AP2B1: variants seen among roughly 807,000 people sequenced by gnomAD.
The protein encoded by AP2B1 is AP-2 complex subunit beta.
AP2B1 carries 23 observed loss-of-function variants against 102.0 expected under a neutral mutation model. That is an observed-to-expected ratio of 0.23 (90% CI 0.16 to 0.32). The LOEUF is 0.32. AP2B1 is among the 10% of genes least tolerant of loss of function. The pLI, the probability that AP2B1 is intolerant of heterozygous loss-of-function variation, is 1.00. For synonymous variants in AP2B1, 381 were observed against 421.2 expected, an observed-to-expected ratio of 0.90 and a Z score of 1.17; for missense variants, 541 against 1,157.4, an observed-to-expected ratio of 0.47 and a Z score of 7.73.
chr17:35,680,697 T>TG (rs1567972191), intron 17 of AP2B1, among the ~76,000 whole-genome samples: 1,889 of 36,634 alleles, frequency 0.052, 45 homozygotes, highest in African/African-American at 0.15. Context: ...TTTTTTTTTT[T>TG]TTGTTTTTTT....
chr17:35,647,653 C>T (rs2074972159), intron 12 of AP2B1, among the ~76,000 whole-genome samples: 1 of 152,016 alleles, frequency 6.6e-6, no homozygotes, highest in South Asian at 2.1e-4. Context: ...TCTTTAACCA[C>T]CAATCCATTA....
intron 12 of AP2B1, among the ~76,000 whole-genome samples, chr17:35,649,870 T>C (rs2075041838): frequency 6.6e-6 from 1 of 152,268 alleles, no homozygotes; most frequent in East Asian, 1.9e-4. Flanking sequence ...CAAGTGATCC[T>C]CCTCCCTCAG....
intron 20 of AP2B1, among the ~76,000 whole-genome samples, chr17:35,711,026 G>A (rs1247014479): frequency 6.6e-6 from 1 of 152,090 alleles, no homozygotes; most frequent in Non-Finnish European, 1.5e-5. Context: ...AGTTAACTTT[G>A]TTACTGTAAA....
chr17:35,641,855 A>G (rs550652714), intron 11 of AP2B1, 22 bp from the exon 12 acceptor site: 41 of 1,572,342 alleles, frequency 2.6e-5, no homozygotes, highest in Non-Finnish European at 3.2e-5. Flanking sequence ...CTTTCACACT[A>G]TCACAAATTA....
At chr17:35,635,760 G>A (rs1427874654) in intron 9 of AP2B1, among the ~76,000 whole-genome samples, 1 of 152,072 alleles carries the variant, frequency 6.6e-6, no homozygotes, top group East Asian at 1.9e-4. Context: ...ACAATGGCGC[G>A]ATCTCGGCTC....
At position 35,717,200 on chromosome 17, in the gene AP2B1, G is replaced by C; in HGVS notation, c.2632G>C (p.Val878Leu). The C allele has an allele frequency of 6.2e-7, 1 of 1,613,766 alleles. No homozygotes were observed. The highest frequency in any genetic ancestry group is 8.5e-7 in the Non-Finnish European group (1 of 1,179,804). ...IKECHLNADT[V>L]SSKLQNNNVY... ...TTTTGAATCTGTATTTCTAGACACT[G>C]TTTCCAGCAAGTTGCAAAACAACAA... The change falls in exon 21 of 22, where the codon GTT becomes CTT. Residue 878 changes from valine to leucine, a missense_variant. By Grantham distance (32) the Val-to-Leu change is conservative. Coordinates refer to ENST00000610402, the MANE Select transcript of AP2B1 (RefSeq NM_001030006.2).
chr17:35,639,792 T>C (rs761623527), intron 11 of AP2B1, 32 bp downstream of exon 11: 18 of 1,595,262 alleles, frequency 1.1e-5, no homozygotes, highest in African/African-American at 2.7e-5. Context: ...ATCCTAGTAG[T>C]TTTAGATGTC....
intron 14 of AP2B1, chr17:35,659,993 TA>T: frequency 1.0e-6 from 1 of 985,420 alleles, no homozygotes; most frequent in African/African-American, 1.7e-5. Flanking sequence ...AGTGGACTTT[TA>T]AAATGCTTTT....
chr17:35,659,258 C>G (rs1374623841), intron 14 of AP2B1, among the ~76,000 whole-genome samples: 1 of 152,166 alleles, frequency 6.6e-6, no homozygotes, highest in Non-Finnish European at 1.5e-5. Flanking sequence ...TTATTACATT[C>G]CCTGGTGGGG....
At chr17:35,645,775 G>A (rs1404188215) in intron 12 of AP2B1, among the ~76,000 whole-genome samples, 1 of 152,148 alleles carries the variant, frequency 6.6e-6, no homozygotes, top group South Asian at 2.1e-4. Context: ...CTTGAACCCG[G>A]GAGGCAGAGG....
At position 35,720,163 on chromosome 17, in the gene AP2B1, G is replaced by C. The variant is rs75656820; in HGVS notation, c.2781+2814G>C. On this transcript the variant is annotated intron_variant, in intron 21 of 21. Coordinates refer to ENST00000610402, the MANE Select transcript of AP2B1 (RefSeq NM_001030006.2). ...CCAAAAAGAGTGCTAAATTTGTGCT[G>C]TACATGCTTAAAAAGGCAAAGAGTA... Among the ~76,000 whole-genome samples the C allele has an allele frequency of 3.2e-3, 489 of 152,208 alleles. 7 individuals carry two copies. The East Asian group carries it at 0.055, about 17-fold the overall frequency.
At chr17:35,701,942 T>G (rs897958780) in intron 18 of AP2B1, among the ~76,000 whole-genome samples, 1 of 149,222 alleles carries the variant, frequency 6.7e-6, no homozygotes, top group Non-Finnish European at 1.5e-5. Flanking sequence ...TTTAAGTTCA[T>G]TATTGTGTAA....
intron 18 of AP2B1, among the ~76,000 whole-genome samples, chr17:35,701,194 G>A (rs1033528787): frequency 6.6e-6 from 1 of 151,994 alleles, no homozygotes; most frequent in Non-Finnish European, 1.5e-5. Context: ...ATGTAAAACT[G>A]AACAGTTTCA....
intron 5 of AP2B1, among the ~76,000 whole-genome samples, chr17:35,621,962 A>G (rs899673868): frequency 6.6e-6 from 1 of 152,218 alleles, no homozygotes; most frequent in African/African-American, 2.4e-5. Context: ...GCAACAATAA[A>G]TCAAAACAGG....
chr17:35,679,288 C>G lies in AP2B1; in HGVS notation c.2325-3407C>G, dbSNP rs577849324. Among the ~76,000 whole-genome samples the G allele has an allele frequency of 5.3e-5, 8 of 152,168 alleles. No homozygotes were observed. The South Asian group carries it at 8.3e-4, about 16-fold the overall frequency. On this transcript the variant is annotated intron_variant, in intron 17 of 21. Coordinates refer to ENST00000610402, the MANE Select transcript of AP2B1 (RefSeq NM_001030006.2). ...ATCTTTGCCTTCAAGCCCTGTCTTT[C>G]AAGGAAGCCCTGTCTTCCAAGGTGT...
chr17:35,684,595 G>A (rs2075892319), intron 18 of AP2B1, among the ~76,000 whole-genome samples: 1 of 152,174 alleles, frequency 6.6e-6, no homozygotes, highest in Non-Finnish European at 1.5e-5. Flanking sequence ...GAGTCACAAT[G>A]TAACTTGGCT....
intron 4 of AP2B1, among the ~76,000 whole-genome samples, chr17:35,607,581 A>G (rs891526596): frequency 2.0e-4 from 31 of 152,312 alleles, no homozygotes; most frequent in Admixed American, 1.8e-3. Flanking sequence ...ACTTGCTAGT[A>G]AAAGAGAATG....
intron 5 of AP2B1, among the ~76,000 whole-genome samples, chr17:35,616,411 G>T (rs544912020): frequency 1.3e-5 from 2 of 151,674 alleles, no homozygotes; most frequent in African/African-American, 4.8e-5. Context: ...CTCGTGATCC[G>T]CCCGCCTCGG....
At chr17:35,716,704 C>T (rs782275275) in intron 20 of AP2B1, among the ~76,000 whole-genome samples, 4 of 152,086 alleles carry the variant, frequency 2.6e-5, no homozygotes, top group Non-Finnish European at 5.9e-5. Flanking sequence ...AGTTGAGGCC[C>T]GAATGGCTCA....
Sources: gnomAD v4.1 joint callset for allele counts (sites outside exome capture counted in the v4.1 genomes callset) on GRCh38, gnomAD v4.1.1 for gene constraint, MANE v1.5 for transcripts, NCBI Gene and HGNC (gene_info 2026-07-23, HGNC 2026-07-21) for gene names.